Variants in PCDH15 observed in about 807,000 individuals in gnomAD.
The protein encoded by PCDH15 is protocadherin related 15.
Under a neutral mutation model 178.5 loss-of-function variants are expected in PCDH15, and 129 were observed. That is an observed-to-expected ratio of 0.72 (90% CI 0.63 to 0.84). PCDH15 has a LOEUF of 0.84. Among genes scored for constraint, PCDH15 ranks in the 40% least tolerant of loss-of-function variants. The pLI is 0.00. For synonymous variants in PCDH15, 800 were observed against 732.0 expected, an observed-to-expected ratio of 1.09 and a Z score of -1.50; for missense variants, 2,230 against 2,099.9, an observed-to-expected ratio of 1.06 and a Z score of -1.21.
intron 23 of PCDH15, among the ~76,000 whole-genome samples, chr10:53,953,074 C>A (rs1440833658): frequency 6.6e-6 from 1 of 152,246 alleles, no homozygotes; most frequent in East Asian, 1.9e-4. Context: ...GGGTGGGGCC[C>A]CTGCCTGTTC....
At chr10:55,295,680 T>C (rs1843114916) in intron 1 of PCDH15, among the ~76,000 whole-genome samples, 1 of 152,206 alleles carries the variant, frequency 6.6e-6, no homozygotes, top group African/African-American at 2.4e-5. Flanking sequence ...TAGAATATTA[T>C]TTGAGGTAAA....
At chr10:54,561,869 C>T (rs887599935) in intron 2 of PCDH15, among the ~76,000 whole-genome samples, 6 of 150,874 alleles carry the variant, frequency 4.0e-5, no homozygotes, top group Middle Eastern at 3.5e-3. Context: ...TTTTTAGTAG[C>T]GACAGGGTTT....
intron 2 of PCDH15, among the ~76,000 whole-genome samples, chr10:55,162,587 A>C (rs952252388): frequency 6.6e-6 from 1 of 152,154 alleles, no homozygotes; most frequent in Non-Finnish European, 1.5e-5. Flanking sequence ...GGAGACATTT[A>C]GTTTATAGTT....
chr10:55,517,801 T>G (rs1229335445), intron 2 of PCDH15, among the ~76,000 whole-genome samples: 8 of 152,126 alleles, frequency 5.3e-5, no homozygotes, highest in African/African-American at 1.7e-4. Context: ...GGAGTACTAT[T>G]CAACAATACA....
chr10:54,554,690 G>A (rs1285774681), intron 2 of PCDH15, among the ~76,000 whole-genome samples: 1 of 152,186 alleles, frequency 6.6e-6, no homozygotes, highest in African/African-American at 2.4e-5. Context: ...ATATTCAGGA[G>A]TAGATCTTGA....
chr10:54,191,986 C>T (rs34611759), intron 11 of PCDH15, among the ~76,000 whole-genome samples: 9 of 125,536 alleles, frequency 7.2e-5, no homozygotes, highest in South Asian at 2.5e-4. Flanking sequence ...AAGGAAGGGA[C>T]GGGGGGAAGG....
intron 1 of PCDH15, among the ~76,000 whole-genome samples, chr10:55,312,868 C>T (rs761125534): frequency 6.6e-6 from 1 of 152,112 alleles, no homozygotes; most frequent in Non-Finnish European, 1.5e-5. Context: ...CCACCCGCCT[C>T]GGCCTCCCAA....
intron 3 of PCDH15, among the ~76,000 whole-genome samples, chr10:54,398,896 C>G (rs73251622): frequency 0.026 from 4,005 of 152,050 alleles, 170 homozygotes; most frequent in African/African-American, 0.089. Flanking sequence ...TGTATACAAA[C>G]CTTAAAGTTC....
At chr10:53,969,123 A>G (rs950860877) in intron 21 of PCDH15, among the ~76,000 whole-genome samples, 1 of 152,142 alleles carries the variant, frequency 6.6e-6, no homozygotes, top group Non-Finnish European at 1.5e-5. Flanking sequence ...AAGATTAGAC[A>G]AATGGCTAAC....
chr10:53,891,795 A>G (rs1330353967), intron 26 of PCDH15, among the ~76,000 whole-genome samples: 5 of 75,968 alleles, frequency 6.6e-5, no homozygotes, highest in Middle Eastern at 9.3e-3. Context: ...TTTACTAAAA[A>G]TAAAAAAAAA....
At chr10:54,491,415 C>T (rs1352970098) in intron 3 of PCDH15, among the ~76,000 whole-genome samples, 1 of 151,448 alleles carries the variant, frequency 6.6e-6, no homozygotes, top group African/African-American at 2.4e-5. Context: ...GTAAAGATAG[C>T]TTTTTCAAGT....
intron 1 of PCDH15, among the ~76,000 whole-genome samples, chr10:54,726,061 G>C (rs1377713891): frequency 6.6e-6 from 1 of 151,452 alleles, no homozygotes; most frequent in East Asian, 1.9e-4. Flanking sequence ...CCCAAGATCA[G>C]AATATAGAAT....
intron 2 of PCDH15, among the ~76,000 whole-genome samples, chr10:55,052,397 T>C (rs1841186179): frequency 4.0e-5 from 6 of 150,190 alleles, no homozygotes; most frequent in Admixed American, 4.0e-4. Context: ...CAAGAATCAG[T>C]AGGATTTTAA....
intron 21 of PCDH15, among the ~76,000 whole-genome samples, chr10:53,983,256 A>G (rs2090822290): frequency 6.6e-6 from 1 of 151,584 alleles, no homozygotes; most frequent in Admixed American, 6.6e-5. Flanking sequence ...GTGTGTATAC[A>G]TATACACACA....
At chr10:55,210,417 T>C (rs1840527169) in intron 1 of PCDH15, among the ~76,000 whole-genome samples, 1 of 151,700 alleles carries the variant, frequency 6.6e-6, no homozygotes, top group Admixed American at 6.6e-5. Context: ...TTGAGGAAAG[T>C]ATAAGAGACC....
At chr10:55,145,881 G>A (rs1243979266) in intron 2 of PCDH15, among the ~76,000 whole-genome samples, 1 of 151,246 alleles carries the variant, frequency 6.6e-6, no homozygotes, top group Non-Finnish European at 1.5e-5. Flanking sequence ...ACTCTTGACT[G>A]TAAGTCACCC....
intron 23 of PCDH15, among the ~76,000 whole-genome samples, chr10:53,943,652 C>T (rs1235679803): frequency 2.0e-5 from 3 of 151,956 alleles, no homozygotes; most frequent in African/African-American, 7.3e-5. Flanking sequence ...CATTTAAATC[C>T]TATGCATACC....
At chr10:53,900,190 T>TTC (rs1396134209) in intron 26 of PCDH15, among the ~76,000 whole-genome samples, 1 of 128,494 alleles carries the variant, frequency 7.8e-6, no homozygotes. Flanking sequence ...AACACATTCT[T>TTC]TCTCTCTCTC....
intron 2 of PCDH15, among the ~76,000 whole-genome samples, chr10:55,595,914 A>G (rs1201600281): frequency 6.6e-6 from 1 of 152,126 alleles, no homozygotes; most frequent in Admixed American, 6.6e-5. Flanking sequence ...TATAGTGCCC[A>G]TTTAAGAACG....
Sources: allele counts gnomAD v4.1 joint callset (sites outside exome capture counted in the v4.1 genomes callset), GRCh38; gene constraint gnomAD v4.1.1; transcripts MANE v1.5; gene names NCBI Gene and HGNC (gene_info 2026-07-23, HGNC 2026-07-21).